CCT6A: variants seen among roughly 807,000 people sequenced by gnomAD.
CCT6A encodes T-complex protein 1 subunit zeta.
A neutral mutation model predicts 58.6 loss-of-function variants in CCT6A; 6 were observed. The ratio of observed to expected loss-of-function variants is 0.10; its 90% CI spans 0.06 to 0.20. The LOEUF is 0.20. CCT6A is among the 10% of genes least tolerant of loss of function. CCT6A has a pLI of 1.00. For missense variants in CCT6A, 516 were observed against 648.8 expected, an observed-to-expected ratio of 0.80 and a Z score of 2.22; for synonymous variants, 245 against 227.8, an observed-to-expected ratio of 1.08 and a Z score of -0.68.
chr7:56,052,256 A>G (rs1349622695), intron 1 of CCT6A, among the ~76,000 whole-genome samples, 166 bp from the exon 2 acceptor site: 2 of 152,172 alleles, frequency 1.3e-5, no homozygotes, highest in Admixed American at 6.5e-5. Context: ...ACTCGGCACA[A>G]TCTCTGCGGG....
chr7:56,052,681 C>T (rs1794174589), intron 2 of CCT6A, among the ~76,000 whole-genome samples, 196 bp downstream of exon 2: 1 of 151,914 alleles, frequency 6.6e-6, no homozygotes, highest in African/African-American at 2.4e-5. Flanking sequence ...ACAGTCCGGG[C>T]TAAAGGGCTG....
At chr7:56,058,233 C>CA in intron 6 of CCT6A, 129 bp from the exon 7 acceptor site, 2 of 864,266 alleles carry the variant, frequency 2.3e-6, no homozygotes, top group Non-Finnish European at 3.6e-6. Flanking sequence ...CTATAGGAAA[C>CA]AGTCTCTGAA....
At chr7:56,059,741 T>A in intron 9 of CCT6A, 101 bp downstream of exon 9, 1 of 649,858 alleles carries the variant, frequency 1.5e-6, no homozygotes. Context: ...CGGGCTGGAG[T>A]GCAGTGGTGT....
chr7:56,056,898 A>G (rs904152574), intron 5 of CCT6A, among the ~76,000 whole-genome samples: 12 of 149,530 alleles, frequency 8.0e-5, no homozygotes, highest in African/African-American at 2.7e-4. Context: ...CCGGGTTCAC[A>G]CCATTCTCCT....
intron 3 of CCT6A, among the ~76,000 whole-genome samples, chr7:56,054,951 A>G (rs575415335): frequency 6.6e-6 from 1 of 152,204 alleles, no homozygotes; most frequent in South Asian, 2.1e-4. Flanking sequence ...TTAGTAAATG[A>G]TGTGAGTTAG....
In CCT6A at chr7:56,058,633, T is replaced by C. The variant is rs1273752551; in HGVS notation, c.899T>C (p.Phe300Ser). ...VVINQKGIDP[F>S]SLDALSKEGI... ...TTTTTGTTACAGGGAATTGACCCCT[T>C]TTCCTTAGATGCTCTTTCAAAAGAA... Residue 300 changes from phenylalanine (F) to serine (S), a missense_variant, in exon 8 of 14, where the codon TTT (phenylalanine) becomes TCT (serine). Phe to Ser is a radical substitution (Grantham distance 155). Transcript: ENST00000275603. 6 of 1,606,286 alleles carry C rather than the reference T, an allele frequency of 3.7e-6. No individual in the cohort carries two copies. The East Asian group carries it at 8.9e-5, about 24-fold the overall frequency.
Position 56,056,799 on chromosome 7 carries a change from CT to C in CCT6A, c.614+398del, listed in dbSNP as rs79981799. On this transcript the variant is annotated intron_variant, in intron 5 of 13. Coordinates refer to ENST00000275603, the MANE Select transcript of CCT6A (RefSeq NM_001762.4). ...TGCTTTGTACAATATAGATAGTTGG[CT>C]TTTTTTTTTTTTGAGATGGAGTCTT... Among the ~76,000 whole-genome samples the C allele has an allele frequency of 2.9e-3, 410 of 140,964 alleles. 2 individuals carry two copies. The highest frequency in any genetic ancestry group is 7.9e-3 in the African/African-American group (303 of 38,572). The allele number at this position is 140,964 out of a possible 152,430, so 92.5% of individuals were successfully genotyped here.
At chr7:56,052,940 C>T (rs1466453751) in intron 2 of CCT6A, among the ~76,000 whole-genome samples, 3 of 151,992 alleles carry the variant, frequency 2.0e-5, no homozygotes, top group Non-Finnish European at 2.9e-5. Flanking sequence ...ATTACAGGCT[C>T]GCGCCACTAC....
At chr7:56,062,968 G>C in intron 13 of CCT6A, 45 bp from the exon 14 acceptor site, 5 of 1,431,758 alleles carry the variant, frequency 3.5e-6, no homozygotes, top group Non-Finnish European at 4.9e-6. Flanking sequence ...AGTCGAATTA[G>C]GGCTCCTAAT....
intron 5 of CCT6A, among the ~76,000 whole-genome samples, chr7:56,057,463 G>C (rs540858053): frequency 6.6e-6 from 1 of 152,032 alleles, no homozygotes; most frequent in African/African-American, 2.4e-5. Flanking sequence ...TTCTGCCTCC[G>C]TAAGTGCTGG....
At chr7:56,056,847 T>C (rs1194466694) in intron 5 of CCT6A, among the ~76,000 whole-genome samples, 1 of 143,582 alleles carries the variant, frequency 7.0e-6, no homozygotes, top group Non-Finnish European at 1.5e-5. Context: ...CAGCCTGGAG[T>C]GTACAGTGGC....
chr7:56,063,611 C>T lies in CCT6A; in HGVS notation c.*526C>T, dbSNP rs373445284. On this transcript the variant is annotated 3_prime_UTR_variant, in exon 14 of 14. Transcript: ENST00000275603. The stretch of plus-strand genomic sequence containing the variant: ...TGAAATGGCTTTGCTAAAATGCTCC[C>T]GCCACAAAGTTGTAGGAAATGGGAA... 6.1e-6 allele frequency: 1 copy of T among 163,544 alleles called. No individual in the cohort carries two copies. The highest frequency in any genetic ancestry group is 1.3e-5 in the Non-Finnish European group (1 of 75,228). 10.1% of individuals were successfully genotyped at this position (163,544 alleles called of 1,614,324 possible).
chr7:56,053,604 A>C (rs1180986969), intron 2 of CCT6A, among the ~76,000 whole-genome samples: 2 of 152,068 alleles, frequency 1.3e-5, no homozygotes, highest in Non-Finnish European at 2.9e-5. Context: ...AAATACAAAA[A>C]TTAGCCGGGT....
chr7:56,053,977 T>C (rs1794248420), intron 2 of CCT6A, among the ~76,000 whole-genome samples: 1 of 152,170 alleles, frequency 6.6e-6, no homozygotes, highest in Admixed American at 6.5e-5. Flanking sequence ...TTGAAAAAAT[T>C]ACAAACCTAC....
At chr7:56,062,861 GAAGT>G in intron 13 of CCT6A, 106 bp downstream of exon 13, 1 of 1,175,628 alleles carries the variant, frequency 8.5e-7, no homozygotes, top group Non-Finnish European at 1.3e-6. Flanking sequence ...TGATCAGCTG[GAAGT>G]ATGGAAACTG....
chr7:56,056,172 T>G (rs943396063), intron 4 of CCT6A, 139 bp from the exon 5 acceptor site: 1 of 655,608 alleles, frequency 1.5e-6, no homozygotes, highest in Admixed American at 2.9e-5. Flanking sequence ...TTACATATAA[T>G]GTATTCTATT....
intron 8 of CCT6A, chr7:56,059,042 G>A (rs1794374534): frequency 5.9e-6 from 1 of 170,784 alleles, no homozygotes; most frequent in African/African-American, 2.4e-5. Flanking sequence ...TTTTGAGACA[G>A]TCTTGCTCTT....
intron 11 of CCT6A, 157 bp from the exon 12 acceptor site, chr7:56,061,590 A>G (rs1284187745): frequency 2.3e-6 from 1 of 440,870 alleles, no homozygotes; most frequent in Non-Finnish European, 4.0e-6. Flanking sequence ...CAGGTGATCC[A>G]CCTTCCACGG....
In CCT6A at chr7:56,055,600, A is replaced by T. The variant is rs1166410081; in HGVS notation, c.337-24A>T. 1.9e-6 allele frequency: 3 copies of T among 1,596,668 alleles called. No individual in the cohort carries two copies. In the Admixed American group the frequency reaches 5.1e-5, roughly 27 times the overall value. ...ATGGTTGCACCTAATTGAAGATGCA[A>T]GTGTTAATGTGTGTTTATTTTAGGG... On this transcript the variant is annotated intron_variant, in intron 3 of 13. Coordinates refer to ENST00000275603, the MANE Select transcript of CCT6A (RefSeq NM_001762.4).
Sources: gnomAD v4.1 joint callset for allele counts (sites outside exome capture counted in the v4.1 genomes callset) on GRCh38, gnomAD v4.1.1 for gene constraint, MANE v1.5 for transcripts, NCBI Gene and HGNC (gene_info 2026-07-23, HGNC 2026-07-21) for gene names.